The following MDM2 variants were observed in gnomAD, a reference collection of about 807,000 sequenced individuals.
MDM2 encodes MDM2 proto-oncogene.
A neutral mutation model predicts 64.3 loss-of-function variants in MDM2; 11 were observed. The observed-to-expected ratio is 0.17, with a 90% CI of 0.11 to 0.28. The LOEUF (loss-of-function observed/expected upper bound fraction) is 0.28, where lower values mean the gene tolerates loss of function less well. Ranked by LOEUF, MDM2 falls within the 10% of genes least tolerant of loss-of-function variation. The probability of loss-of-function intolerance (pLI) is 1.00; values close to 1 mark genes in which losing one functional copy is unlikely to be tolerated. For missense variants in MDM2, 388 were observed against 577.1 expected, an observed-to-expected ratio of 0.67 and a Z score of 3.36; for synonymous variants, 194 against 192.9, an observed-to-expected ratio of 1.01 and a Z score of -0.05.
intron 8 of MDM2, among the ~76,000 whole-genome samples, chr12:68,834,792 G>A (rs1370429136): frequency 6.6e-6 from 1 of 152,154 alleles, no homozygotes; most frequent in Non-Finnish European, 1.5e-5. Flanking sequence ...GCTACTTAGT[G>A]GCAAGTGTAG....
At position 68,842,957 on chromosome 12, in the gene MDM2, G is replaced by A. The variant is rs1883918807; in HGVS notation, c.*3108G>A. The A allele has an allele frequency of 4.7e-6, 1 of 210,608 alleles. No individual in the cohort carries two copies. The highest frequency in any genetic ancestry group is 7.1e-5 in the East Asian group (1 of 13,988). 13.0% of individuals were successfully genotyped at this position (210,608 alleles called of 1,614,324 possible). A position where few individuals can be genotyped will look rare whatever the true frequency, so the allele number is the denominator to read the frequency against. The stretch of plus-strand genomic sequence containing the variant: ...CGAATAAGGTTTGCCTGAAATAACT[G>A]ACACTATATAATTTCTGCTTTGGCA... On this transcript the variant is annotated 3_prime_UTR_variant, in exon 11 of 11. Coordinates refer to ENST00000258149, the MANE Select transcript of MDM2 (RefSeq NM_002392.6).
Sources: allele counts gnomAD v4.1 joint callset (sites outside exome capture counted in the v4.1 genomes callset), GRCh38; gene constraint gnomAD v4.1.1; transcripts MANE v1.5; gene names NCBI Gene and HGNC (gene_info 2026-07-23, HGNC 2026-07-21).